Variants in PDGFC observed in about 807,000 individuals in gnomAD.
PDGFC encodes the protein platelet derived growth factor C.
In PDGFC, 12 loss-of-function variants were observed where a neutral mutation model predicts 35.5. That is an observed-to-expected ratio of 0.34 (90% CI 0.22 to 0.55). The LOEUF is 0.55. Ranked by LOEUF, PDGFC falls within the 20% of genes least tolerant of loss-of-function variation. The pLI, the probability that PDGFC is intolerant of heterozygous loss-of-function variation, is 0.91. For missense variants in PDGFC, 322 were observed against 412.4 expected (o/e 0.78, Z 1.90); for synonymous variants, 159 against 148.8 (o/e 1.07, Z -0.50).
intron 1 of PDGFC, among the ~76,000 whole-genome samples, chr4:156,928,349 G>C (rs1338263293): frequency 6.6e-6 from 1 of 152,064 alleles, no homozygotes; most frequent in Non-Finnish European, 1.5e-5. Flanking sequence ...CCCCAGCCTT[G>C]CAAGTAGCTG....
intron 1 of PDGFC, among the ~76,000 whole-genome samples, chr4:156,859,412 A>G (rs1729656576): frequency 6.6e-6 from 1 of 152,098 alleles, no homozygotes; most frequent in African/African-American, 2.4e-5. Flanking sequence ...ATGTGATTAA[A>G]TAATGTCAAT....
intron 1 of PDGFC, among the ~76,000 whole-genome samples, chr4:156,953,619 G>T (rs987472230): frequency 6.6e-6 from 1 of 151,782 alleles, no homozygotes; most frequent in East Asian, 1.9e-4. Flanking sequence ...TTTACCGGAC[G>T]ATAAATACTT....
chr4:156,900,801 C>G (rs369448337), intron 1 of PDGFC, among the ~76,000 whole-genome samples: 1 of 151,684 alleles, frequency 6.6e-6, no homozygotes, highest in African/African-American at 2.4e-5. Context: ...TGCCACTGCA[C>G]TCCAGCCTGA....
intron 3 of PDGFC, among the ~76,000 whole-genome samples, chr4:156,787,282 T>C (rs1251471740): frequency 6.6e-6 from 1 of 152,076 alleles, no homozygotes; most frequent in East Asian, 1.9e-4. Flanking sequence ...CTGATCTGGA[T>C]ACCAGTGTCA....
chr4:156,771,213 G>T (rs938163243), intron 4 of PDGFC, among the ~76,000 whole-genome samples: 1 of 152,148 alleles, frequency 6.6e-6, no homozygotes, highest in East Asian at 1.9e-4. Flanking sequence ...AGCACCAGGC[G>T]TACATTTTCA....
At chr4:156,849,733 A>G (rs1378181176) in intron 2 of PDGFC, among the ~76,000 whole-genome samples, 1 of 152,068 alleles carries the variant, frequency 6.6e-6, no homozygotes, top group East Asian at 1.9e-4. Flanking sequence ...CTTCTTTGTG[A>G]TGTAATATTC....
chr4:156,847,774 C>T (rs1729361954), intron 2 of PDGFC, among the ~76,000 whole-genome samples: 1 of 58,934 alleles, frequency 1.7e-5, no homozygotes, highest in Non-Finnish European at 2.9e-5. Context: ...AAAACATCCA[C>T]AATGCTCCAA....
intron 3 of PDGFC, among the ~76,000 whole-genome samples, chr4:156,780,690 A>C (rs1730953571): frequency 6.6e-6 from 1 of 152,180 alleles, no homozygotes; most frequent in Admixed American, 6.5e-5. Flanking sequence ...TGACAGTATA[A>C]AAAGAGTGTT....
intron 1 of PDGFC, among the ~76,000 whole-genome samples, chr4:156,930,393 T>C (rs554453361): frequency 7.1e-4 from 108 of 152,328 alleles, no homozygotes; most frequent in African/African-American, 2.5e-3. Context: ...GTAGGATCTG[T>C]AGGCTAGCAA....
intron 1 of PDGFC, among the ~76,000 whole-genome samples, chr4:156,888,526 T>C (rs1021966854): frequency 2.6e-5 from 4 of 152,208 alleles, no homozygotes; most frequent in Non-Finnish European, 2.9e-5. Context: ...AGGATGTTTC[T>C]TTCTTACTCT....
At chr4:156,781,734 T>C (rs943445843) in intron 3 of PDGFC, among the ~76,000 whole-genome samples, 1 of 152,102 alleles carries the variant, frequency 6.6e-6, no homozygotes. Context: ...AATTACATGG[T>C]GAACACCTCA....
chr4:156,802,206 T>C (rs1731631159), intron 3 of PDGFC, among the ~76,000 whole-genome samples: 1 of 152,126 alleles, frequency 6.6e-6, no homozygotes, highest in Admixed American at 6.6e-5. Context: ...TTTGGCAACA[T>C]AAACTTCTAA....
At chr4:156,936,573 A>G (rs748903775) in intron 1 of PDGFC, among the ~76,000 whole-genome samples, 23 of 152,214 alleles carry the variant, frequency 1.5e-4, no homozygotes, top group Non-Finnish European at 4.4e-5. Context: ...AGAGTGTAGG[A>G]TAGAAGAAAC....
chr4:156,903,756 A>G (rs1730849549), intron 1 of PDGFC, among the ~76,000 whole-genome samples: 2 of 152,104 alleles, frequency 1.3e-5, no homozygotes, highest in Admixed American at 1.3e-4. Context: ...CCAACAATCC[A>G]TTTCTGTAAA....
intron 1 of PDGFC, among the ~76,000 whole-genome samples, chr4:156,969,416 T>A (rs888677424): frequency 1.1e-4 from 16 of 152,200 alleles, no homozygotes; most frequent in Non-Finnish European, 2.1e-4. Flanking sequence ...CATTAGCAAG[T>A]TGTAAGAAGC....
chr4:156,844,560 C>G (rs1729279905), intron 2 of PDGFC, among the ~76,000 whole-genome samples: 1 of 151,876 alleles, frequency 6.6e-6, no homozygotes, highest in Admixed American at 6.6e-5. Flanking sequence ...ACAACTATAA[C>G]ATACACAGAC....
intron 3 of PDGFC, among the ~76,000 whole-genome samples, chr4:156,791,479 T>C (rs1329320886): frequency 1.5e-4 from 22 of 151,410 alleles, no homozygotes; most frequent in Admixed American, 1.1e-3. Context: ...ATCAAGCATA[T>C]AGTAACAACA....
At chr4:156,851,795 G>A (rs1466098012) in intron 1 of PDGFC, among the ~76,000 whole-genome samples, 5 of 151,860 alleles carry the variant, frequency 3.3e-5, no homozygotes, top group Admixed American at 6.6e-5. Flanking sequence ...GCGGGGTGCA[G>A]GGGCGGGCGC....
intron 2 of PDGFC, among the ~76,000 whole-genome samples, chr4:156,834,923 C>CAA (rs140787875): frequency 1.6e-4 from 22 of 137,712 alleles, no homozygotes; most frequent in African/African-American, 5.3e-4. Flanking sequence ...CTGAAAATGG[C>CAA]AAAAAAAAAA....
Sources: gnomAD v4.1 joint callset for allele counts (sites outside exome capture counted in the v4.1 genomes callset) on GRCh38, gnomAD v4.1.1 for gene constraint, MANE v1.5 for transcripts, NCBI Gene and HGNC (gene_info 2026-07-23, HGNC 2026-07-21) for gene names.